The following HDAC9 variants were observed in gnomAD, a reference collection of about 807,000 sequenced individuals.
HDAC9 encodes the protein MEF-2 interacting transcription repressor (MITR) protein.
A neutral mutation model predicts 139.4 loss-of-function variants in HDAC9; 41 were observed. The observed-to-expected ratio is 0.29, with a 90% confidence interval of 0.23 to 0.38. The LOEUF (loss-of-function observed/expected upper bound fraction) is 0.38, where lower values mean the gene tolerates loss of function less well. Among genes scored for constraint, HDAC9 ranks in the 10% least tolerant of loss-of-function variants. The pLI is 1.00. For synonymous variants in HDAC9, 517 were observed against 476.2 expected, an observed-to-expected ratio of 1.09 and a Z score of -1.12; for missense variants, 1,147 against 1,297.0, an observed-to-expected ratio of 0.88 and a Z score of 1.78.
Position 18,997,776 on chromosome 7 carries a change from T to G in HDAC9, c.*1714T>G, listed in dbSNP as rs1324183494. The G allele has an allele frequency of 6.6e-6, 1 of 152,156 alleles. No individual in the cohort carries two copies. The highest frequency in any genetic ancestry group is 6.5e-5 in the Admixed American group (1 of 15,282). The allele number at this position is 152,156 out of a possible 1,614,324, so 9.4% of individuals were successfully genotyped here. A position where few individuals can be genotyped will look rare whatever the true frequency, so the allele number is the denominator to read the frequency against. ...CCTTTGTTATACAGTCAGACCATAT[T>G]TTTCATGCATTTGGTTTTTTTAGGA... On this transcript the variant is annotated 3_prime_UTR_variant, in exon 26 of 26. Coordinates refer to ENST00000686413, the MANE Select transcript of HDAC9 (RefSeq NM_178425.4).
intron 1 of HDAC9, among the ~76,000 whole-genome samples, chr7:18,140,020 G>T (rs1373853913): frequency 2.0e-5 from 3 of 152,256 alleles, no homozygotes; most frequent in Non-Finnish European, 4.4e-5. Context: ...GTGGTCATTT[G>T]TTATGGCAGC....
At chr7:18,130,370 A>C (rs893831402) in intron 1 of HDAC9, among the ~76,000 whole-genome samples, 2 of 152,282 alleles carry the variant, frequency 1.3e-5, no homozygotes, top group African/African-American at 4.8e-5. Context: ...GAATAGTGGC[A>C]TGAGGGACGG....
chr7:18,820,748 T>C (rs1295009915), intron 17 of HDAC9, among the ~76,000 whole-genome samples: 1 of 152,100 alleles, frequency 6.6e-6, no homozygotes, highest in Non-Finnish European at 1.5e-5. Flanking sequence ...AAAAAGTAGA[T>C]GTTTTGGGGA....
At chr7:18,116,178 A>G (rs1783968864) in intron 1 of HDAC9, among the ~76,000 whole-genome samples, 1 of 152,192 alleles carries the variant, frequency 6.6e-6, no homozygotes, top group East Asian at 1.9e-4. Context: ...TGTTTCTTGC[A>G]TATATAACCA....
chr7:18,708,981 T>C (rs1784145575), intron 12 of HDAC9, among the ~76,000 whole-genome samples: 1 of 151,982 alleles, frequency 6.6e-6, no homozygotes, highest in African/African-American at 2.4e-5. Context: ...ATATATATAT[T>C]CATACATATG....
At chr7:18,893,033 G>GAAAAAAAAAAAAAAAAA (rs71960483) in intron 22 of HDAC9, among the ~76,000 whole-genome samples, 3 of 66,882 alleles carry the variant, frequency 4.5e-5, no homozygotes, top group African/African-American at 5.5e-5. Flanking sequence ...GTAATAGGCC[G>GAAAAAAAAAAAAAAAAA]AAAAAAAAAA....
At chr7:18,232,995 A>C (rs1433683578) in intron 2 of HDAC9, among the ~76,000 whole-genome samples, 1 of 152,206 alleles carries the variant, frequency 6.6e-6, no homozygotes, top group African/African-American at 2.4e-5. Context: ...AGACTCAATT[A>C]AACTAAAGGA....
At chr7:18,216,125 T>TGA (rs1200637493) in intron 2 of HDAC9, among the ~76,000 whole-genome samples, 2 of 150,644 alleles carry the variant, frequency 1.3e-5, no homozygotes, top group Non-Finnish European at 3.0e-5. Context: ...TGTGTGTGTG[T>TGA]GTGTGAGAGA....
chr7:18,870,561 A>G (rs768881613), intron 21 of HDAC9, among the ~76,000 whole-genome samples: 2 of 152,150 alleles, frequency 1.3e-5, no homozygotes, highest in African/African-American at 4.8e-5. Context: ...TCTTCATTTC[A>G]AAGTTTCTGT....
intron 2 of HDAC9, among the ~76,000 whole-genome samples, chr7:18,241,550 G>A (rs1489710382): frequency 2.0e-5 from 3 of 152,132 alleles, no homozygotes; most frequent in African/African-American, 7.2e-5. Context: ...GTCACAATAA[G>A]ACAAGAGAAT....
rs1164468120 is a variant in HDAC9 at position 18,901,213 on chromosome 7, T to TACAC, written c.2803+26618_2803+26619insCACA. On this transcript the variant is annotated intron_variant, in intron 22 of 25. Transcript: ENST00000686413. ...TGTATATATACTATATATACATATATATATATATACACACACACACACACA... is the reference window on the plus strand; with the variant it reads ...TGTATATATACTATATATACATATATACACATATATATACACACACACACACACA... Among the ~76,000 whole-genome samples, 212 of 128,824 alleles carry TACAC rather than the reference T, an allele frequency of 1.6e-3. 1 individual carries two copies. The highest frequency in any genetic ancestry group is 6.6e-3 in the African/African-American group (204 of 30,776). 84.5% of individuals were successfully genotyped at this position (128,824 alleles called of 152,430 possible).
At chr7:18,258,171 T>C (rs1282438440) in intron 2 of HDAC9, among the ~76,000 whole-genome samples, 1 of 152,222 alleles carries the variant, frequency 6.6e-6, no homozygotes, top group African/African-American at 2.4e-5. Flanking sequence ...GAAATAAATA[T>C]AAATTCTTTT....
intron 12 of HDAC9, among the ~76,000 whole-genome samples, chr7:18,708,339 A>G (rs896340473): frequency 2.0e-5 from 3 of 152,188 alleles, no homozygotes; most frequent in African/African-American, 7.2e-5. Context: ...AGCTGCCTTG[A>G]AAGGCCAGCT....
At position 18,765,003 on chromosome 7, in the gene HDAC9, C is replaced by A. The variant is rs567328400; in HGVS notation, c.2165-2103C>A. ...TGTAAGGTTACATGGAGAAGACATT[C>A]TCTCCAATTATTTCTGGTGCAAGGC... is the stretch of plus-strand genomic sequence containing the variant. On this transcript the variant is annotated intron_variant, in intron 15 of 25. Transcript: ENST00000686413. Among the ~76,000 whole-genome samples, 119 of 152,214 alleles carry A rather than the reference C, an allele frequency of 7.8e-4. 1 individual carries two copies. The highest frequency in any genetic ancestry group is 1.4e-3 in the Non-Finnish European group (92 of 68,004).
chr7:18,803,968 G>A (rs1793505434), intron 17 of HDAC9, among the ~76,000 whole-genome samples: 1 of 152,136 alleles, frequency 6.6e-6, no homozygotes, highest in Admixed American at 6.6e-5. Flanking sequence ...AAAATACTGT[G>A]GTGATCCAGA....
chr7:18,289,654 A>G (rs911240551), upstream of HDAC9, among the ~76,000 whole-genome samples: 1 of 152,108 alleles, frequency 6.6e-6, no homozygotes, highest in Non-Finnish European at 1.5e-5. Context: ...TTTAATTCAA[A>G]TGCACCCATT....
intron 1 of HDAC9, among the ~76,000 whole-genome samples, chr7:18,122,659 C>T (rs987715048): frequency 6.6e-5 from 10 of 152,178 alleles, no homozygotes; most frequent in South Asian, 2.1e-4. Context: ...TGCTGTGTCC[C>T]CCAGGCTGGA....
chr7:18,608,952 CA>C (rs1377126133), intron 6 of HDAC9, among the ~76,000 whole-genome samples: 1 of 152,058 alleles, frequency 6.6e-6, no homozygotes, highest in Non-Finnish European at 1.5e-5. Flanking sequence ...TGAGTGAAAG[CA>C]AAGATCCAAG....
intron 1 of HDAC9, among the ~76,000 whole-genome samples, chr7:18,106,379 C>G (rs1274109431): frequency 6.6e-6 from 1 of 152,116 alleles, no homozygotes; most frequent in Non-Finnish European, 1.5e-5. Context: ...TTCCTCTCTC[C>G]CTTGCACTAG....
Sources: allele counts gnomAD v4.1 joint callset (sites outside exome capture counted in the v4.1 genomes callset), GRCh38; gene constraint gnomAD v4.1.1; transcripts MANE v1.5; gene names NCBI Gene and HGNC (gene_info 2026-07-23, HGNC 2026-07-21).